ADAMTS18: variants seen among roughly 807,000 people sequenced by gnomAD.
ADAMTS18 encodes the protein ADAM metallopeptidase with thrombospondin type 1 motif 18, also known as A disintegrin and metalloproteinase with thrombospondin motifs 18.
In ADAMTS18, 157 loss-of-function variants were observed where a neutral mutation model predicts 165.9. The ratio of observed to expected loss-of-function variants is 0.95; its 90% CI spans 0.83 to 1.08. ADAMTS18 has a LOEUF of 1.08. Among genes scored for constraint, ADAMTS18 ranks in the 50% least tolerant of loss-of-function variants. ADAMTS18 has a pLI of 0.00. For synonymous variants in ADAMTS18, 782 were observed against 578.2 expected (o/e 1.35, Z -5.06); for missense variants, 2,040 against 1,534.0 (o/e 1.33, Z -5.51).
At chr16:77,405,815 C>T (rs1160363856) in intron 3 of ADAMTS18, among the ~76,000 whole-genome samples, 1 of 152,134 alleles carries the variant, frequency 6.6e-6, no homozygotes, top group Non-Finnish European at 1.5e-5. Context: ...TCTCCCTCTT[C>T]TTATAAAGAC....
intron 3 of ADAMTS18, among the ~76,000 whole-genome samples, chr16:77,372,655 A>T (rs1440096957): frequency 2.0e-5 from 3 of 152,242 alleles, no homozygotes; most frequent in Non-Finnish European, 2.9e-5. Flanking sequence ...TTATGGGACA[A>T]GAGAATCAAT....
intron 3 of ADAMTS18, among the ~76,000 whole-genome samples, chr16:77,394,021 G>A (rs772747648): frequency 2.6e-5 from 4 of 152,196 alleles, no homozygotes; most frequent in East Asian, 1.9e-4. Context: ...TTTGATTCAA[G>A]TTAACAGGGC....
At chr16:77,429,683 T>C (rs1403126557) in intron 3 of ADAMTS18, among the ~76,000 whole-genome samples, 1 of 152,200 alleles carries the variant, frequency 6.6e-6, no homozygotes. Flanking sequence ...AATCTATTAC[T>C]ATGAGATTAT....
intron 3 of ADAMTS18, among the ~76,000 whole-genome samples, chr16:77,382,529 G>A (rs761671394): frequency 6.6e-6 from 1 of 152,124 alleles, no homozygotes; most frequent in Non-Finnish European, 1.5e-5. Context: ...CAGTTAAAAG[G>A]ACAGATACTG....
Position 77,320,006 on chromosome 16 carries a change from C to G in ADAMTS18, c.2375G>C (p.Arg792Pro). The change falls in exon 16 of 23, where the codon CGA becomes CCA. Residue 792 changes from arginine to proline, a missense_variant. Physicochemically the swap from Arg to Pro is moderately radical, Grantham distance 103. Transcript: ENST00000282849. The part of the protein sequence containing the change: ...LQVSSSYLAV[R>P]SLSQKYYLTG... ...GAGGTAATACTTTTGACTGAGGCTT[C>G]GAACTGCGAGGTAACTGGAGGAAAC... is the stretch of plus-strand genomic sequence containing the variant. The G allele has an allele frequency of 6.2e-7, 1 of 1,614,110 alleles. No individual in the cohort carries two copies. Among genetic ancestry groups the G allele is most frequent in the Non-Finnish European group, 8.5e-7 (1 of 1,180,012 alleles).
chr16:77,329,576 T>C (rs1387506132), intron 12 of ADAMTS18, among the ~76,000 whole-genome samples: 2 of 152,182 alleles, frequency 1.3e-5, no homozygotes, highest in African/African-American at 4.8e-5. Flanking sequence ...ATTATAACTA[T>C]TTTTAAATGC....
At position 77,300,353 on chromosome 16, in the gene ADAMTS18, T is replaced by TG. The variant is rs777872700; in HGVS notation, c.2583dup (p.Lys862GlnfsTer61). 1 of 1,614,116 alleles carries TG rather than the reference T, an allele frequency of 6.2e-7. No individual in the cohort carries two copies. Among genetic ancestry groups the TG allele is most frequent in the Non-Finnish European group, 8.5e-7 (1 of 1,179,988 alleles). ...GCTGGTGGAGTTCCATTCATGACCT[T>TG]GGGAAGTGCATACTTCCAAGCTATC... On this transcript the variant is annotated frameshift_variant, in exon 17 of 23. Transcript: ENST00000282849. LOFTEE classifies it high-confidence loss of function.
intron 22 of ADAMTS18, among the ~76,000 whole-genome samples, chr16:77,288,848 G>C (rs918004259): frequency 2.2e-4 from 33 of 152,282 alleles, no homozygotes; most frequent in African/African-American, 7.9e-4. Flanking sequence ...CATGTGGCTT[G>C]TGACAGTAAA....
At chr16:77,395,278 G>C (rs768188245) in intron 3 of ADAMTS18, among the ~76,000 whole-genome samples, 5 of 152,142 alleles carry the variant, frequency 3.3e-5, no homozygotes, top group Non-Finnish European at 5.9e-5. Flanking sequence ...AAGTTCTCTG[G>C]AAAACCAGTA....
chr16:77,283,914 A>AT lies in ADAMTS18; in HGVS notation c.*41_*42insA, dbSNP rs549139378. On this transcript the variant is annotated 3_prime_UTR_variant, in exon 23 of 23. Transcript: ENST00000282849. ...GCAGCTGGTCTCTCTAGAGGTTGAA[A>AT]GGTAAGCCCCTGGCCCTAAGGTGCT... The AT allele has an allele frequency of 6.7e-7, 1 of 1,486,810 alleles. No homozygotes were observed. Among genetic ancestry groups the AT allele is most frequent in the South Asian group, 1.1e-5 (1 of 88,446 alleles). 92.1% of individuals were successfully genotyped at this position (1,486,810 alleles called of 1,614,324 possible).
chr16:77,368,438 T>C (rs1161488524), intron 3 of ADAMTS18, among the ~76,000 whole-genome samples: 1 of 111,664 alleles, frequency 9.0e-6, no homozygotes, highest in Non-Finnish European at 1.7e-5. Context: ...TCTTTTTTTC[T>C]TTTTTTTTTT....
intron 10 of ADAMTS18, among the ~76,000 whole-genome samples, chr16:77,349,962 TG>T (rs1425122789): frequency 6.6e-6 from 1 of 152,210 alleles, no homozygotes; most frequent in Non-Finnish European, 1.5e-5. Context: ...TGCTGGCTAC[TG>T]AGGTACAGGG....
At chr16:77,331,174 C>A (rs1040584781) in intron 12 of ADAMTS18, among the ~76,000 whole-genome samples, 1 of 152,144 alleles carries the variant, frequency 6.6e-6, no homozygotes, top group African/African-American at 2.4e-5. Flanking sequence ...TTTCCATGAA[C>A]AATGCCCTAT....
intron 3 of ADAMTS18, among the ~76,000 whole-genome samples, chr16:77,415,653 A>G (rs2057520719): frequency 6.9e-6 from 1 of 144,372 alleles, no homozygotes; most frequent in Non-Finnish European, 1.5e-5. Flanking sequence ...CTTGAGGAAG[A>G]GGTGGGGAGG....
At chr16:77,354,692 A>T (rs979208397) in intron 9 of ADAMTS18, among the ~76,000 whole-genome samples, 1 of 152,216 alleles carries the variant, frequency 6.6e-6, no homozygotes, top group Non-Finnish European at 1.5e-5. Context: ...GACTCTCATA[A>T]AGGTTGTTAC....
rs1418968274 is a variant in ADAMTS18, at chr16:77,335,805, T to A, written c.1810A>T (p.Thr604Ser). 1 of 1,614,204 alleles carries A rather than the reference T, an allele frequency of 6.2e-7. No homozygotes were observed. The highest frequency in any genetic ancestry group is 2.2e-5 in the East Asian group (1 of 44,880). The change falls in exon 12 of 23, where the codon ACA (threonine) becomes TCA (serine). Residue 604 changes from threonine (T) to serine (S), a missense_variant. By Grantham distance (58) the Thr-to-Ser change is moderately conservative (BLOSUM62 1). Transcript: ENST00000282849. ...TGGAACTTGACTCCTCCACCACATGTCCGGGAACATTCTGACCACTTCGAC... is the reference window on the plus strand; with the variant it reads ...TGGAACTTGACTCCTCCACCACATGACCGGGAACATTCTGACCACTTCGAC... ...AWSKWSECSRTCGGGVKFQER... is the reference protein window; with the variant it reads ...AWSKWSECSRSCGGGVKFQER...
rs564183434 is a variant in ADAMTS18, at chr16:77,350,212, C to T, written c.1614+3521G>A. 3.3e-5 allele frequency among the ~76,000 whole-genome samples: 5 copies of T among 152,220 alleles called. No homozygotes were observed. In the South Asian group the frequency reaches 1.0e-3, roughly 32 times the overall value. ...AGATAACAGAACCATTAGAAAGATT[C>T]GTAACTCATTTTCTTCAACACTTTG... is the stretch of plus-strand genomic sequence containing the variant. On this transcript the variant is annotated intron_variant, in intron 10 of 22. Transcript: ENST00000282849.
chr16:77,324,998 G>C (rs1293648740), intron 13 of ADAMTS18, among the ~76,000 whole-genome samples: 1 of 152,138 alleles, frequency 6.6e-6, no homozygotes, highest in East Asian at 1.9e-4. Flanking sequence ...CCTCTCTTTC[G>C]ATTTGGAGGC....
chr16:77,376,288 C>G (rs1173056401), intron 3 of ADAMTS18, among the ~76,000 whole-genome samples: 1 of 152,174 alleles, frequency 6.6e-6, no homozygotes, highest in Non-Finnish European at 1.5e-5. Flanking sequence ...AGATCTCATG[C>G]AAACTCACTA....
Sources: allele counts gnomAD v4.1 joint callset (sites outside exome capture counted in the v4.1 genomes callset), GRCh38; gene constraint gnomAD v4.1.1; transcripts MANE v1.5; gene names NCBI Gene and HGNC (gene_info 2026-07-23, HGNC 2026-07-21).